Variants in ADAMTS12 observed in about 807,000 individuals in gnomAD.
ADAMTS12 encodes the protein ADAM metallopeptidase with thrombospondin type 1 motif 12, also known as A disintegrin and metalloproteinase with thrombospondin motifs 12.
Under a neutral mutation model 167.8 loss-of-function variants are expected in ADAMTS12, and 118 were observed. The ratio of observed to expected loss-of-function variants is 0.70; its 90% CI spans 0.61 to 0.82. The LOEUF is 0.82. Among genes scored for constraint, ADAMTS12 ranks in the 40% least tolerant of loss-of-function variants. The pLI is 0.00. For missense variants in ADAMTS12, 1,916 were observed against 1,998.8 expected, an observed-to-expected ratio of 0.96 and a Z score of 0.79; for synonymous variants, 704 against 716.9, an observed-to-expected ratio of 0.98 and a Z score of 0.29.
intron 16 of ADAMTS12, among the ~76,000 whole-genome samples, chr5:33,602,180 G>T (rs958337093): frequency 2.0e-5 from 3 of 152,144 alleles, no homozygotes; most frequent in African/African-American, 7.2e-5. Context: ...CAAAACTAAG[G>T]CCTTGAAATA....
intron 5 of ADAMTS12, among the ~76,000 whole-genome samples, chr5:33,663,459 G>A (rs1208756442): frequency 1.3e-5 from 2 of 152,176 alleles, no homozygotes; most frequent in African/African-American, 4.8e-5. Context: ...GAAGGAAAGG[G>A]AGGAGAGAAA....
At chr5:33,562,637 T>A (rs1745803306) in intron 19 of ADAMTS12, among the ~76,000 whole-genome samples, 1 of 151,398 alleles carries the variant, frequency 6.6e-6, no homozygotes, top group Non-Finnish European at 1.5e-5. Context: ...CCATATAATT[T>A]TTTTTTTTTT....
At chr5:33,543,211 A>G (rs187556233) in intron 22 of ADAMTS12, among the ~76,000 whole-genome samples, 2 of 152,318 alleles carry the variant, frequency 1.3e-5, no homozygotes, top group African/African-American at 4.8e-5. Flanking sequence ...AATACAAACT[A>G]CCATCAGAGA....
chr5:33,604,501 C>T (rs1738336884), intron 16 of ADAMTS12, among the ~76,000 whole-genome samples: 2 of 93,434 alleles, frequency 2.1e-5, no homozygotes, highest in African/African-American at 8.5e-5. Context: ...AACTCCATCT[C>T]AAAATTAAAA....
chr5:33,587,015 AC>A (rs986112521), intron 18 of ADAMTS12, among the ~76,000 whole-genome samples: 2 of 148,458 alleles, frequency 1.3e-5, no homozygotes, highest in East Asian at 3.9e-4. Flanking sequence ...GGAAGTTCTT[AC>A]CATCTAGGGA....
chr5:33,709,766 A>G (rs1743328497), intron 3 of ADAMTS12, among the ~76,000 whole-genome samples: 1 of 152,134 alleles, frequency 6.6e-6, no homozygotes, highest in South Asian at 2.1e-4. Flanking sequence ...TGCGCTTAAT[A>G]CCTAGGTGAT....
At position 33,825,527 on chromosome 5, in the gene ADAMTS12, TG is replaced by T. The variant is rs776576295; in HGVS notation, c.489+55591del. Reference sequence around the variant, plus strand: ...GGAAAATTTGTACATTCAGGATTTGTGTTGCAGATGCTACACAAACCCAAAA... The same window carrying T: ...GGAAAATTTGTACATTCAGGATTTGTTTGCAGATGCTACACAAACCCAAAA... On this transcript the variant is annotated intron_variant, in intron 2 of 23. Coordinates refer to ENST00000504830, the MANE Select transcript of ADAMTS12 (RefSeq NM_030955.4). Among the ~76,000 whole-genome samples the T allele has an allele frequency of 3.8e-3, 581 of 152,328 alleles. 3 individuals are homozygous for T. The highest frequency in any genetic ancestry group is 6.8e-3 in the Middle Eastern group (2 of 294).
At chr5:33,626,469 T>G (rs1477044754) in intron 13 of ADAMTS12, among the ~76,000 whole-genome samples, 1 of 149,912 alleles carries the variant, frequency 6.7e-6, no homozygotes, top group African/African-American at 2.5e-5. Context: ...ATGGTGGTGG[T>G]GGTGATGTGG....
At chr5:33,568,518 G>T (rs1426498495) in intron 19 of ADAMTS12, among the ~76,000 whole-genome samples, 4 of 152,130 alleles carry the variant, frequency 2.6e-5, no homozygotes, top group African/African-American at 9.7e-5. Context: ...GAGACAGAAG[G>T]TTCATCATCC....
intron 2 of ADAMTS12, among the ~76,000 whole-genome samples, chr5:33,843,589 G>T (rs967323335): frequency 6.6e-6 from 1 of 152,194 alleles, no homozygotes; most frequent in Non-Finnish European, 1.5e-5. Context: ...TGTCAGAGAA[G>T]ATATTTTCAT....
At position 33,526,092 on chromosome 5, in the gene ADAMTS12, G is replaced by GT. The variant is rs1316379864; in HGVS notation, c.*1095dup. On this transcript the variant is annotated 3_prime_UTR_variant, in exon 24 of 24. Coordinates refer to ENST00000504830, the MANE Select transcript of ADAMTS12 (RefSeq NM_030955.4). Reference sequence around the variant, plus strand: ...CCCCTTTACCTTACTTTTTAGAAATGTTTTTTCTCTAGATTAGAAGTTTGC... The same window carrying GT: ...CCCCTTTACCTTACTTTTTAGAAATGTTTTTTTCTCTAGATTAGAAGTTTGC... 3 of 152,142 alleles carry GT rather than the reference G, an allele frequency of 2.0e-5. No homozygotes were observed. Among genetic ancestry groups the GT allele is most frequent in the Admixed American group, 1.3e-4 (2 of 15,272 alleles). The allele number at this position is 152,142 out of a possible 1,614,324, so 9.4% of individuals were successfully genotyped here.
chr5:33,539,881 C>T (rs150791675), intron 22 of ADAMTS12, among the ~76,000 whole-genome samples: 55 of 152,248 alleles, frequency 3.6e-4, no homozygotes, highest in African/African-American at 1.1e-3. Flanking sequence ...CCAGCGAGAT[C>T]GACACAAGAT....
At position 33,588,809 on chromosome 5, in the gene ADAMTS12, C is replaced by G; in HGVS notation, c.2655G>C (p.Arg885Ser). 6.2e-7 allele frequency: 1 copy of G among 1,612,898 alleles called. No individual in the cohort carries two copies. Residue 885 changes from arginine to serine, a missense_variant and splice_region_variant, in exon 18 of 24, where the codon AGG (arginine) becomes AGC (serine). By Grantham distance (110) the Arg-to-Ser change is moderately radical. Coordinates refer to ENST00000504830, the MANE Select transcript of ADAMTS12 (RefSeq NM_030955.4). Reference sequence around the variant, plus strand: ...ATGCTTCCCACTCCCCTGCCCACCACCTGCAGGCAAACATGGATATGTGAG... The same window carrying G: ...ATGCTTCCCACTCCCCTGCCCACCAGCTGCAGGCAAACATGGATATGTGAG... Reference protein sequence around the residue: ...KKCHEKACPPRWWAGEWEACS... With the variant: ...KKCHEKACPPSWWAGEWEACS...
intron 2 of ADAMTS12, among the ~76,000 whole-genome samples, chr5:33,795,111 G>C (rs1388804884): frequency 6.6e-6 from 1 of 152,212 alleles, no homozygotes. Flanking sequence ...CATAGCAGAG[G>C]AAAGCTGGAA....
At chr5:33,596,169 AGTT>A in intron 16 of ADAMTS12, 109 bp from the exon 17 acceptor site, 1 of 1,414,216 alleles carries the variant, frequency 7.1e-7, no homozygotes, top group Non-Finnish European at 9.6e-7. Flanking sequence ...CTGATGGGAA[AGTT>A]GTTCAAAAGT....
chr5:33,754,251 T>C (rs1745096585), intron 2 of ADAMTS12, among the ~76,000 whole-genome samples: 2 of 152,208 alleles, frequency 1.3e-5, no homozygotes. Context: ...TGTTACAAGG[T>C]CTGTACCTTA....
Position 33,615,795 on chromosome 5 carries a change from AC to A in ADAMTS12, c.2388+32del, listed in dbSNP as rs760871245. ...AAAGGAGAAGTATTCTAACTAGCACACATGTCAGCAGTTTCCCTCCTTTCTG... is the reference window on the plus strand; with the variant it reads ...AAAGGAGAAGTATTCTAACTAGCACAATGTCAGCAGTTTCCCTCCTTTCTG... On this transcript the variant is annotated intron_variant, in intron 15 of 23. Coordinates refer to ENST00000504830, the MANE Select transcript of ADAMTS12 (RefSeq NM_030955.4). 4 of 1,612,400 alleles carry A rather than the reference AC, an allele frequency of 2.5e-6. No individual in the cohort carries two copies. The South Asian group carries it at 4.4e-5, about 18-fold the overall frequency.
Position 33,526,848 on chromosome 5 carries a change from G to T in ADAMTS12, c.*340C>A. The T allele has an allele frequency of 5.0e-6, 1 of 200,078 alleles. No homozygotes were observed. Among genetic ancestry groups the T allele is most frequent in the Admixed American group, 5.5e-5 (1 of 18,258 alleles). The allele number at this position is 200,078 out of a possible 1,614,324, so 12.4% of individuals were successfully genotyped here. On this transcript the variant is annotated 3_prime_UTR_variant, in exon 24 of 24. Transcript: ENST00000504830. The stretch of plus-strand genomic sequence containing the variant: ...GCCTGATACTCTTGAGGTAGTCAGG[G>T]AAATAGCTGGTCTCTTTGTTTTTAT...
At chr5:33,571,985 T>C (rs1379945580) in intron 19 of ADAMTS12, among the ~76,000 whole-genome samples, 4 of 152,048 alleles carry the variant, frequency 2.6e-5, no homozygotes, top group Non-Finnish European at 5.9e-5. Context: ...CACAAATAAA[T>C]TAGAAAATCT....
Sources: allele counts gnomAD v4.1 joint callset (sites outside exome capture counted in the v4.1 genomes callset), GRCh38; gene constraint gnomAD v4.1.1; transcripts MANE v1.5; gene names NCBI Gene and HGNC (gene_info 2026-07-23, HGNC 2026-07-21).